Variants in NXPE2 observed in about 807,000 individuals in gnomAD.
NXPE2 encodes the protein neurexophilin and PC-esterase domain family member 2, also known as NXPE family member 2.
NXPE2 carries 34 observed loss-of-function variants against 34.4 expected under a neutral mutation model. That is an observed-to-expected ratio of 0.99 (90% confidence interval 0.75 to 1.31). The LOEUF is 1.31. Ranked by LOEUF, NXPE2 falls within the 40% of genes most tolerant of loss-of-function variation. The probability of loss-of-function intolerance (pLI) is 0.00; values close to 1 mark genes in which losing one functional copy is unlikely to be tolerated. For synonymous variants in NXPE2, 235 were observed against 231.3 expected (o/e 1.02, Z -0.15); for missense variants, 649 against 672.5 (o/e 0.97, Z 0.39).
At chr11:114,801,068 T>TTTTATTCATTCAACAAA in the NXPE2 span, among the ~76,000 whole-genome samples, 1 of 6,030 alleles carries the variant, frequency 1.7e-4, no homozygotes, top group Non-Finnish European at 9.4e-4. Flanking sequence ...CAACAAACAC[T>TTTTATTCATTCAACAAA]GAGCACTTCT....
the NXPE2 span, among the ~76,000 whole-genome samples, chr11:114,653,484 C>T: frequency 2.5e-3 from 380 of 151,246 alleles, 5 homozygotes; most frequent in Admixed American, 0.019. Flanking sequence ...TGCTTGTACT[C>T]CGTATTTCAT....
At chr11:114,648,955 AT>A in the NXPE2 span, among the ~76,000 whole-genome samples, 21 of 151,824 alleles carry the variant, frequency 1.4e-4, no homozygotes, top group African/African-American at 4.6e-4. Flanking sequence ...AAACAAAAAA[AT>A]ATTTGCTTTT....
the NXPE2 span, among the ~76,000 whole-genome samples, chr11:114,540,531 C>A: frequency 6.6e-6 from 1 of 151,760 alleles, no homozygotes; most frequent in Non-Finnish European, 1.5e-5. Flanking sequence ...GGAATGGGTG[C>A]GTATGGGAAA....
chr11:114,644,986 T>C, the NXPE2 span, among the ~76,000 whole-genome samples: 1 of 151,546 alleles, frequency 6.6e-6, no homozygotes, highest in Non-Finnish European at 1.5e-5. Flanking sequence ...AAACACTTAA[T>C]AAATGATTAT....
chr11:114,634,161 G>A, the NXPE2 span, among the ~76,000 whole-genome samples: 1 of 151,648 alleles, frequency 6.6e-6, no homozygotes, highest in South Asian at 2.1e-4. Flanking sequence ...CATTCTAACT[G>A]GTGTGAGATG....
the NXPE2 span, among the ~76,000 whole-genome samples, chr11:114,548,862 G>A: frequency 6.6e-6 from 1 of 151,298 alleles, no homozygotes; most frequent in African/African-American, 2.4e-5. Context: ...AAAAACCTGG[G>A]TTTTATTTTG....
chr11:114,611,879 A>G, the NXPE2 span, among the ~76,000 whole-genome samples: 1 of 151,040 alleles, frequency 6.6e-6, no homozygotes, highest in Non-Finnish European at 1.5e-5. Flanking sequence ...TATGAGAAAT[A>G]TTGCCTCATG....
the NXPE2 span, among the ~76,000 whole-genome samples, chr11:114,753,591 A>G: frequency 2.0e-5 from 3 of 152,210 alleles, no homozygotes; most frequent in Admixed American, 2.0e-4. Flanking sequence ...ATTCCAAATC[A>G]TTTATTAATT....
At chr11:114,726,802 C>T in the NXPE2 span, among the ~76,000 whole-genome samples, 1 of 152,078 alleles carries the variant, frequency 6.6e-6, no homozygotes, top group Admixed American at 6.6e-5. Flanking sequence ...AGAACTCAAA[C>T]ACGGTTTATC....
At chr11:114,582,907 T>C in the NXPE2 span, 1 of 1,614,188 alleles carries the variant, frequency 6.2e-7, no homozygotes, top group South Asian at 1.1e-5. Context: ...TCCTTTATTC[T>C]GAGTTCAGTC....
the NXPE2 span, chr11:114,522,870 AC>A: frequency 6.3e-7 from 1 of 1,579,388 alleles, no homozygotes; most frequent in East Asian, 2.2e-5. Context: ...ATATAAAGTA[AC>A]TACCTACTTT....
the NXPE2 span, among the ~76,000 whole-genome samples, chr11:114,660,889 C>A: frequency 6.6e-6 from 1 of 152,030 alleles, no homozygotes; most frequent in Non-Finnish European, 1.5e-5. Flanking sequence ...TTAGTGTCAG[C>A]AAGATTATAA....
chr11:114,606,159 G>T, the NXPE2 span, among the ~76,000 whole-genome samples: 4 of 151,816 alleles, frequency 2.6e-5, no homozygotes, highest in Non-Finnish European at 5.9e-5. Context: ...TTACCTGGTG[G>T]ATAATAAGTA....
At chr11:114,528,498 T>C in the NXPE2 span, among the ~76,000 whole-genome samples, 1 of 152,230 alleles carries the variant, frequency 6.6e-6, no homozygotes, top group Non-Finnish European at 1.5e-5. Context: ...TCTGACAAAC[T>C]TGCTTTCTGA....
chr11:114,639,723 G>T, the NXPE2 span, among the ~76,000 whole-genome samples: 1 of 114,390 alleles, frequency 8.7e-6, no homozygotes, highest in Admixed American at 1.1e-4. Context: ...ATATAATATA[G>T]TAATATAATA....
the NXPE2 span, among the ~76,000 whole-genome samples, chr11:114,640,795 T>C: frequency 2.0e-5 from 3 of 152,034 alleles, no homozygotes; most frequent in African/African-American, 4.8e-5. Flanking sequence ...CACTTTATAA[T>C]AGAACTATTT....
chr11:114,554,277 T>C, the NXPE2 span: 3 of 975,982 alleles, frequency 3.1e-6, no homozygotes, highest in Non-Finnish European at 3.7e-6. Flanking sequence ...GGACACTGAG[T>C]TCTCTGATAT....
chr11:114,658,764 G>T, the NXPE2 span, among the ~76,000 whole-genome samples: 1 of 152,116 alleles, frequency 6.6e-6, no homozygotes, highest in Non-Finnish European at 1.5e-5. Flanking sequence ...TGGAGAAGAG[G>T]ACAGGATCAC....
the NXPE2 span, among the ~76,000 whole-genome samples, chr11:114,795,715 G>GGGCACCA: frequency 2.0e-5 from 3 of 152,188 alleles, no homozygotes; most frequent in South Asian, 2.1e-4. Flanking sequence ...CTGGCAAATT[G>GGGCACCA]TTCTATCTAT....
Sources: allele counts gnomAD v4.1 joint callset (sites outside exome capture counted in the v4.1 genomes callset), GRCh38; gene constraint gnomAD v4.1.1; transcripts MANE v1.5; gene names NCBI Gene and HGNC (gene_info 2026-07-23, HGNC 2026-07-21).